The following LAMB1 variants were observed in gnomAD, a reference collection of about 807,000 sequenced individuals.
LAMB1 encodes laminin subunit beta 1, also known as laminin subunit beta-1.
LAMB1 carries 121 observed loss-of-function variants against 222.3 expected under a neutral mutation model. The observed-to-expected ratio is 0.54, with a 90% CI of 0.47 to 0.63. The LOEUF (loss-of-function observed/expected upper bound fraction) is 0.63, where lower values mean the gene tolerates loss of function less well. Among genes scored for constraint, LAMB1 ranks in the 30% least tolerant of loss-of-function variants. The probability of loss-of-function intolerance (pLI) is 0.00; values close to 1 mark genes in which losing one functional copy is unlikely to be tolerated. For missense variants in LAMB1, 2,172 were observed against 2,240.8 expected, an observed-to-expected ratio of 0.97 and a Z score of 0.62; for synonymous variants, 794 against 807.2, an observed-to-expected ratio of 0.98 and a Z score of 0.28.
chr7:107,932,070 T>TA, intron 28 of LAMB1, 104 bp downstream of exon 28: 1 of 1,046,362 alleles, frequency 9.6e-7, no homozygotes, highest in Non-Finnish European at 1.5e-6. Flanking sequence ...TATGCCCTTT[T>TA]CATTTCAGTT....
At position 107,964,689 on chromosome 7, in the gene LAMB1, T is replaced by A; in HGVS notation, c.1563-2A>T. On this transcript the variant is annotated splice_acceptor_variant, in intron 13 of 33. Coordinates refer to ENST00000222399, the MANE Select transcript of LAMB1 (RefSeq NM_002291.3). LOFTEE classifies it high-confidence loss of function. ...CACTGGCCTGACTCCGCAAAGCAACTGGAAGGGAGGAGGAGCCACATCAGC... is the reference window on the plus strand; with the variant it reads ...CACTGGCCTGACTCCGCAAAGCAACAGGAAGGGAGGAGGAGCCACATCAGC... 1 of 1,613,940 alleles carries A rather than the reference T, an allele frequency of 6.2e-7. No individual in the cohort carries two copies. The highest frequency in any genetic ancestry group is 8.5e-7 in the Non-Finnish European group (1 of 1,179,962).
intron 25 of LAMB1, among the ~76,000 whole-genome samples, chr7:107,939,276 T>TA (rs1385063073): frequency 3.9e-5 from 6 of 152,150 alleles, no homozygotes; most frequent in Admixed American, 2.0e-4. Flanking sequence ...AGATAAATGA[T>TA]CCTTGAGAAG....
intron 24 of LAMB1, among the ~76,000 whole-genome samples, chr7:107,945,825 C>T (rs2033103358): frequency 6.6e-6 from 1 of 152,198 alleles, no homozygotes; most frequent in Non-Finnish European, 1.5e-5. Flanking sequence ...CTGTAGATGG[C>T]CACTAGAGCT....
At chr7:107,981,870 T>C (rs937868312) in intron 7 of LAMB1, among the ~76,000 whole-genome samples, 27 of 152,216 alleles carry the variant, frequency 1.8e-4, no homozygotes, top group African/African-American at 4.3e-4. Context: ...GTTACCAAAA[T>C]AGTGTTAACG....
intron 7 of LAMB1, among the ~76,000 whole-genome samples, chr7:107,981,471 G>T (rs910294890): frequency 6.6e-6 from 1 of 151,914 alleles, no homozygotes; most frequent in Non-Finnish European, 1.5e-5. Context: ...AAATTAGCCA[G>T]GTGTGGTGGC....
chr7:107,969,508 C>A (rs1027304314), intron 13 of LAMB1, among the ~76,000 whole-genome samples: 3 of 152,172 alleles, frequency 2.0e-5, no homozygotes, highest in Non-Finnish European at 4.4e-5. Flanking sequence ...CCTCCCCACC[C>A]CCAACTAGGA....
chr7:107,969,254 C>T (rs937760383), intron 13 of LAMB1, among the ~76,000 whole-genome samples: 2 of 146,794 alleles, frequency 1.4e-5, no homozygotes, highest in African/African-American at 2.6e-5. Flanking sequence ...CGCCACTGCA[C>T]TCCAGCCTGG....
intron 7 of LAMB1, among the ~76,000 whole-genome samples, chr7:107,985,642 C>G (rs1584533005): frequency 6.7e-6 from 1 of 149,062 alleles, no homozygotes; most frequent in Non-Finnish European, 1.5e-5. Context: ...AAAAACAAAA[C>G]AAAACAAAAC....
At chr7:107,980,201 C>CT (rs2033944807) in intron 8 of LAMB1, among the ~76,000 whole-genome samples, 2 of 149,988 alleles carry the variant, frequency 1.3e-5, no homozygotes, top group African/African-American at 4.9e-5. Context: ...CAGCAAGACT[C>CT]TGTCTCAAGA....
At position 108,003,138 on chromosome 7, in the gene LAMB1, C is replaced by G; in HGVS notation, c.-114G>C. ...GGCGACGCGAGCTCTCGCCCTGCTCCGGGAGCCCCCGAGCCCAAAGAAGGG... is the reference window on the plus strand; with the variant it reads ...GGCGACGCGAGCTCTCGCCCTGCTCGGGGAGCCCCCGAGCCCAAAGAAGGG... On this transcript the variant is annotated 5_prime_UTR_variant, in exon 1 of 34. Coordinates refer to ENST00000222399, the MANE Select transcript of LAMB1 (RefSeq NM_002291.3). 1.5e-6 allele frequency: 1 copy of G among 673,738 alleles called. No individual in the cohort carries two copies. The allele number at this position is 673,738 out of a possible 1,614,324, so 41.7% of individuals were successfully genotyped here. A position where few individuals can be genotyped will look rare whatever the true frequency, so the allele number is the denominator to read the frequency against.
intron 24 of LAMB1, among the ~76,000 whole-genome samples, chr7:107,950,263 C>T (rs1484068316): frequency 4.0e-5 from 6 of 151,494 alleles, no homozygotes; most frequent in Non-Finnish European, 7.4e-5. Flanking sequence ...CCAACAGAGA[C>T]CTATAATTTC....
chr7:107,970,510 G>GT (rs2033727149), intron 13 of LAMB1, among the ~76,000 whole-genome samples: 1 of 147,350 alleles, frequency 6.8e-6, no homozygotes, highest in African/African-American at 2.5e-5. Context: ...AAAAAAGGGG[G>GT]GGGTGGGCTT....
In LAMB1 at chr7:107,929,533, T is replaced by C. The variant is rs2032655275; in HGVS notation, c.4624A>G (p.Asn1542Asp). Reference sequence around the variant, plus strand: ...CGTTCACGTATATCTTCTGTCAAGTTCTGTAACTGCTGTGGGGTGCTAGGC... The same window carrying C: ...CGTTCACGTATATCTTCTGTCAAGTCCTGTAACTGCTGTGGGGTGCTAGGC... Reference protein sequence around the residue: ...EMPSTPQQLQNLTEDIRERVE... With the variant: ...EMPSTPQQLQDLTEDIRERVE... The change falls in exon 30 of 34, where the codon AAC (asparagine) becomes GAC (aspartate). Residue 1542 changes from asparagine (N) to aspartate (D), a missense_variant. Asn to Asp is a conservative substitution (Grantham distance 23, BLOSUM62 1). Coordinates refer to ENST00000222399, the MANE Select transcript of LAMB1 (RefSeq NM_002291.3). The C allele has an allele frequency of 6.2e-7, 1 of 1,614,142 alleles. No individual in the cohort carries two copies. Among genetic ancestry groups the C allele is most frequent in the Non-Finnish European group, 8.5e-7 (1 of 1,179,976 alleles).
chr7:107,926,709 C>A (rs969970959), intron 31 of LAMB1, among the ~76,000 whole-genome samples: 1 of 152,112 alleles, frequency 6.6e-6, no homozygotes, highest in Admixed American at 6.5e-5. Context: ...AAAGAACATT[C>A]ACAAATAAGC....
At position 107,986,105 on chromosome 7, in the gene LAMB1, TA is replaced by T; in HGVS notation, c.613-21del. ...TATCACCTAAAAATGGAAACAAGAG[TA>T]ATTGGTACTTCTGCAATAATCAAAA... On this transcript the variant is annotated intron_variant, in intron 6 of 33. Coordinates refer to ENST00000222399, the MANE Select transcript of LAMB1 (RefSeq NM_002291.3). The T allele has an allele frequency of 6.2e-7, 1 of 1,610,718 alleles. No homozygotes were observed. Among genetic ancestry groups the T allele is most frequent in the Non-Finnish European group, 8.5e-7 (1 of 1,177,046 alleles).
chr7:108,002,064 A>AC (rs2034398838), intron 2 of LAMB1: 1 of 1,457,764 alleles, frequency 6.9e-7, no homozygotes, highest in African/African-American at 1.5e-5. Flanking sequence ...GGATGTGTAG[A>AC]CCCTCCACTT....
rs573998500 is a variant in LAMB1, at chr7:107,923,950, G to T, written c.*1C>A. On this transcript the variant is annotated 3_prime_UTR_variant, in exon 34 of 34. Transcript: ENST00000222399. ...CCTCAGCCATTTTTTATTCTCCTCTGTTACAAGCATGTGCTATACACAGCA... is the reference window on the plus strand; with the variant it reads ...CCTCAGCCATTTTTTATTCTCCTCTTTTACAAGCATGTGCTATACACAGCA... 1.2e-6 allele frequency: 2 copies of T among 1,604,690 alleles called. No individual in the cohort carries two copies. Among genetic ancestry groups the T allele is most frequent in the Admixed American group, 3.5e-5 (2 of 57,464 alleles).
At chr7:107,993,251 G>C (rs916053115) in intron 5 of LAMB1, among the ~76,000 whole-genome samples, 1 of 152,002 alleles carries the variant, frequency 6.6e-6, no homozygotes, top group Non-Finnish European at 1.5e-5. Flanking sequence ...CTCCTGCCTC[G>C]GCCTCCCAAG....
chr7:107,969,645 T>A (rs1003403380), intron 13 of LAMB1, among the ~76,000 whole-genome samples: 1 of 152,216 alleles, frequency 6.6e-6, no homozygotes, highest in African/African-American at 2.4e-5. Context: ...TGTGTGACCA[T>A]CATAGTGTAC....
Sources: gnomAD v4.1 joint callset for allele counts (sites outside exome capture counted in the v4.1 genomes callset) on GRCh38, gnomAD v4.1.1 for gene constraint, MANE v1.5 for transcripts, NCBI Gene and HGNC (gene_info 2026-07-23, HGNC 2026-07-21) for gene names.